NFIB: variants seen among roughly 807,000 people sequenced by gnomAD.
The protein encoded by NFIB is nuclear factor 1 B-type.
Under a neutral mutation model 61.5 loss-of-function variants are expected in NFIB, and 11 were observed. That is an observed-to-expected ratio of 0.18 (90% CI 0.11 to 0.30). The LOEUF is 0.30. NFIB is among the 10% of genes least tolerant of loss of function. The pLI, the probability that NFIB is intolerant of heterozygous loss-of-function variation, is 1.00. For missense variants in NFIB, 471 were observed against 608.9 expected, an observed-to-expected ratio of 0.77 and a Z score of 2.38; for synonymous variants, 260 against 216.5, an observed-to-expected ratio of 1.20 and a Z score of -1.76.
At chr9:14,411,344 A>G in the NFIB span, among the ~76,000 whole-genome samples, 185 of 152,306 alleles carry the variant, frequency 1.2e-3, no homozygotes, top group African/African-American at 4.2e-3. Flanking sequence ...GACCCATACA[A>G]TTTGTCGATT....
intron 2 of NFIB, among the ~76,000 whole-genome samples, chr9:14,250,115 T>C (rs2055417671): frequency 6.6e-6 from 1 of 152,220 alleles, no homozygotes; most frequent in Non-Finnish European, 1.5e-5. Context: ...TAACTGAGCA[T>C]CTGAAAGGTT....
chr9:14,362,482 T>A (rs1396924982), intron 1 of NFIB: 2 of 152,244 alleles, frequency 1.3e-5, no homozygotes, highest in East Asian at 3.9e-4. Flanking sequence ...CAAGGCTGCC[T>A]TGGGATGCCT....
chr9:14,165,866 G>C (rs921626700), intron 3 of NFIB, among the ~76,000 whole-genome samples: 2 of 152,168 alleles, frequency 1.3e-5, no homozygotes, highest in Non-Finnish European at 2.9e-5. Flanking sequence ...AGGGAATGGA[G>C]AGCTGTTATT....
the NFIB span, among the ~76,000 whole-genome samples, chr9:14,517,543 T>C: frequency 1.3e-5 from 2 of 152,270 alleles, no homozygotes; most frequent in East Asian, 1.9e-4. Context: ...CCTATGTTAC[T>C]TGATCTACGT....
chr9:14,378,332 C>A (rs969535585), intron 1 of NFIB, among the ~76,000 whole-genome samples: 3 of 152,162 alleles, frequency 2.0e-5, no homozygotes, highest in Admixed American at 6.5e-5. Flanking sequence ...ATCCCTCCTT[C>A]CAACTACTTT....
intron 2 of NFIB, among the ~76,000 whole-genome samples, chr9:14,190,555 G>C (rs1325967068): frequency 6.6e-6 from 1 of 152,090 alleles, no homozygotes; most frequent in East Asian, 1.9e-4. Context: ...CAAGGCAAAA[G>C]TTAATATACC....
chr9:14,413,718 T>G, the NFIB span, among the ~76,000 whole-genome samples: 9 of 152,296 alleles, frequency 5.9e-5, no homozygotes, highest in African/African-American at 1.9e-4. Context: ...TGGGACATGG[T>G]ACAGCTATTT....
chr9:14,183,304 T>C lies in NFIB; in HGVS notation c.563-3524A>G, dbSNP rs565031316. Among the ~76,000 whole-genome samples the C allele has an allele frequency of 8.5e-5, 13 of 152,268 alleles. No homozygotes were observed. The East Asian group carries it at 1.4e-3, about 16-fold the overall frequency. ...TCAAAAGGCAGTAGATACCAGCCAGTTGATGAAAATTACCTTCCAGAAGGC... is the reference window on the plus strand; with the variant it reads ...TCAAAAGGCAGTAGATACCAGCCAGCTGATGAAAATTACCTTCCAGAAGGC... On this transcript the variant is annotated intron_variant, in intron 2 of 10. Transcript: ENST00000380953.
chr9:14,093,079 G>C lies in NFIB; in HGVS notation c.1468-4753C>G, dbSNP rs769741707. Among the ~76,000 whole-genome samples, 3 of 151,956 alleles carry C rather than the reference G, an allele frequency of 2.0e-5. No individual in the cohort carries two copies. The South Asian group carries it at 6.2e-4, about 32-fold the overall frequency. ...CTCACTAACACCTAGGAACCACAGG[G>C]TGCCACATTAAACATGTATGAAGCC... On this transcript the variant is annotated intron_variant, in intron 10 of 10. Transcript: ENST00000380953.
At chr9:14,454,927 A>G in the NFIB span, among the ~76,000 whole-genome samples, 3 of 152,212 alleles carry the variant, frequency 2.0e-5, no homozygotes, top group Non-Finnish European at 4.4e-5. Context: ...TGCTTCTCGA[A>G]CCTGGAATGA....
intron 1 of NFIB, among the ~76,000 whole-genome samples, chr9:14,325,216 C>T (rs921205816): frequency 6.6e-6 from 1 of 151,760 alleles, no homozygotes; most frequent in Non-Finnish European, 1.5e-5. Context: ...TAGCACTGTC[C>T]AACACTAGTT....
At chr9:14,474,488 C>T in the NFIB span, among the ~76,000 whole-genome samples, 6 of 152,120 alleles carry the variant, frequency 3.9e-5, no homozygotes, top group South Asian at 4.1e-4. Flanking sequence ...CTATAGCATT[C>T]GCCCCGTTTT....
chr9:14,384,806 C>T (rs1032467391), intron 1 of NFIB, among the ~76,000 whole-genome samples: 15 of 152,086 alleles, frequency 9.9e-5, no homozygotes, highest in African/African-American at 3.6e-4. Context: ...AGTAGCTTTA[C>T]AGTCCTTGCA....
chr9:14,452,530 T>G, the NFIB span, among the ~76,000 whole-genome samples: 1 of 143,844 alleles, frequency 7.0e-6, no homozygotes, highest in African/African-American at 2.5e-5. Flanking sequence ...AAGTAGCAGG[T>G]GCTTTTGAAG....
At chr9:14,161,502 CAT>C (rs980660146) in intron 3 of NFIB, among the ~76,000 whole-genome samples, 12 of 149,614 alleles carry the variant, frequency 8.0e-5, no homozygotes, top group Admixed American at 1.3e-4. Flanking sequence ...ACTTTTTCCG[CAT>C]ATATATATAT....
chr9:14,239,983 TAAA>T (rs1453485866), intron 2 of NFIB, among the ~76,000 whole-genome samples: 3 of 152,066 alleles, frequency 2.0e-5, no homozygotes, highest in South Asian at 2.1e-4. Context: ...AAAAATGTAA[TAAA>T]AGAAGAGGAA....
At chr9:14,380,997 C>T (rs1236009002) in intron 1 of NFIB, among the ~76,000 whole-genome samples, 1 of 145,048 alleles carries the variant, frequency 6.9e-6, no homozygotes, top group African/African-American at 2.6e-5. Context: ...ATTTCCTGTT[C>T]CGGGAGGCAA....
intron 1 of NFIB, among the ~76,000 whole-genome samples, chr9:14,376,493 G>C (rs372265653): frequency 4.8e-4 from 72 of 150,080 alleles, no homozygotes; most frequent in African/African-American, 1.5e-3. Flanking sequence ...CATTCCACTG[G>C]TTAAAGAGCA....
chr9:14,194,002 T>C (rs1453960371), intron 2 of NFIB, among the ~76,000 whole-genome samples: 1 of 152,176 alleles, frequency 6.6e-6, no homozygotes, highest in Non-Finnish European at 1.5e-5. Context: ...ATGTCTCTTT[T>C]TAAAACATTA....
Sources: allele counts gnomAD v4.1 joint callset (sites outside exome capture counted in the v4.1 genomes callset), GRCh38; gene constraint gnomAD v4.1.1; transcripts MANE v1.5; gene names NCBI Gene and HGNC (gene_info 2026-07-23, HGNC 2026-07-21).